The following MBD5 variants were observed in gnomAD, a reference collection of about 807,000 sequenced individuals.
The protein encoded by MBD5 is methyl-CpG binding domain protein 5, also known as methyl-CpG-binding domain protein 5.
Under a neutral mutation model 117.3 loss-of-function variants are expected in MBD5, and 13 were observed. The observed-to-expected ratio is 0.11, with a 90% CI of 0.07 to 0.18. The LOEUF is 0.18. Among genes scored for constraint, MBD5 ranks in the 10% least tolerant of loss-of-function variants. The pLI is 1.00. For synonymous variants in MBD5, 727 were observed against 766.4 expected (o/e 0.95, Z 0.85); for missense variants, 1,879 against 2,093.8 (o/e 0.90, Z 2.00).
intron 1 of MBD5, among the ~76,000 whole-genome samples, chr2:148,176,450 G>T (rs1698391544): frequency 6.6e-6 from 1 of 151,086 alleles, no homozygotes; most frequent in Admixed American, 6.6e-5. Flanking sequence ...TGTTGCCCAG[G>T]CTAGATTGCA....
chr2:148,200,566 G>A (rs994380247), intron 2 of MBD5, among the ~76,000 whole-genome samples: 4 of 151,956 alleles, frequency 2.6e-5, no homozygotes, highest in Admixed American at 6.6e-5. Context: ...GGTGGCGGGC[G>A]CCTGTGGTCC....
At chr2:148,035,072 A>G (rs943149859) in intron 1 of MBD5, among the ~76,000 whole-genome samples, 1 of 152,148 alleles carries the variant, frequency 6.6e-6, no homozygotes. Context: ...ATGATAGAGT[A>G]TGAAGTCCTA....
chr2:148,091,303 A>G (rs1695933866), intron 1 of MBD5, among the ~76,000 whole-genome samples: 1 of 152,130 alleles, frequency 6.6e-6, no homozygotes, highest in Non-Finnish European at 1.5e-5. Context: ...ACTAGAAAAA[A>G]CAATCCTCAA....
chr2:148,188,234 A>G (rs559681389), intron 2 of MBD5, among the ~76,000 whole-genome samples: 6 of 152,204 alleles, frequency 3.9e-5, no homozygotes, highest in Non-Finnish European at 8.8e-5. Flanking sequence ...CATTTCAGAT[A>G]TTGTGTCTTA....
chr2:148,361,710 C>T (rs1703538632), intron 4 of MBD5, among the ~76,000 whole-genome samples: 1 of 152,178 alleles, frequency 6.6e-6, no homozygotes, highest in Admixed American at 6.5e-5. Flanking sequence ...ATAAGAGCAT[C>T]AAAATGGTGG....
Position 148,277,598 on chromosome 2 carries a change from A to G in MBD5, c.-680+44203A>G, listed in dbSNP as rs1419298691. On this transcript the variant is annotated intron_variant, in intron 3 of 13. Transcript: ENST00000642680. ...GTTTTTTATCTCTACTTTACCTATA[A>G]TTACTCAAGCAATGTAGTTTTTTGT... Among the ~76,000 whole-genome samples, 3 of 152,178 alleles carry G rather than the reference A, an allele frequency of 2.0e-5. No homozygotes were observed. The East Asian group carries it at 5.8e-4, about 29-fold the overall frequency.
chr2:148,477,002 T>G (rs534703025), intron 8 of MBD5, among the ~76,000 whole-genome samples: 1 of 142,512 alleles, frequency 7.0e-6, no homozygotes, highest in African/African-American at 3.0e-5. Flanking sequence ...CAAAGAGGAA[T>G]TTTTTAAAAA....
rs114007165 is a variant in MBD5 at position 148,047,155 on chromosome 2, C to T, written c.-925+25471C>T. ...GTCACTTCTTATCAAATCATCCTGG[C>T]CATCCTCAATTTTCCCCTTCTTAGT... On this transcript the variant is annotated intron_variant, in intron 1 of 13. Coordinates refer to ENST00000642680, the MANE Select transcript of MBD5 (RefSeq NM_001378120.1). Among the ~76,000 whole-genome samples the T allele has an allele frequency of 5.1e-3, 782 of 152,280 alleles. 6 individuals carry two copies. The highest frequency in any genetic ancestry group is 0.018 in the African/African-American group (753 of 41,544).
intron 1 of MBD5, chr2:148,044,519 G>A (rs933723918): frequency 2.6e-5 from 4 of 152,102 alleles, no homozygotes; most frequent in East Asian, 1.9e-4. Flanking sequence ...TGGGAGTCAC[G>A]GGAGACCAGG....
chr2:148,207,673 G>C (rs954969078), intron 2 of MBD5, among the ~76,000 whole-genome samples: 1 of 139,414 alleles, frequency 7.2e-6, no homozygotes, highest in Non-Finnish European at 1.6e-5. Flanking sequence ...AGCCAGCTGA[G>C]AGAGATACTA....
chr2:148,208,656 T>C (rs1024190574), intron 2 of MBD5, among the ~76,000 whole-genome samples: 9 of 9,856 alleles, frequency 9.1e-4, no homozygotes, highest in Non-Finnish European at 6.1e-3. Context: ...TTATCTGTTC[T>C]TTTTTTTTTT....
At chr2:148,368,947 A>G (rs960176526) in intron 4 of MBD5, among the ~76,000 whole-genome samples, 4 of 152,158 alleles carry the variant, frequency 2.6e-5, no homozygotes, top group Non-Finnish European at 5.9e-5. Context: ...AAACCAATGG[A>G]TATCACATTA....
intron 2 of MBD5, among the ~76,000 whole-genome samples, chr2:148,198,172 C>A (rs1235051073): frequency 6.6e-6 from 1 of 152,082 alleles, no homozygotes; most frequent in Non-Finnish European, 1.5e-5. Flanking sequence ...ACATTTTCCT[C>A]TTTTTTTCAC....
intron 4 of MBD5, among the ~76,000 whole-genome samples, chr2:148,408,495 A>G (rs1380405686): frequency 6.6e-6 from 1 of 152,204 alleles, no homozygotes; most frequent in Non-Finnish European, 1.5e-5. Flanking sequence ...GTCATCAAAT[A>G]AAAATCTTGG....
intron 1 of MBD5, among the ~76,000 whole-genome samples, chr2:148,042,582 T>C (rs968288233): frequency 6.6e-6 from 1 of 152,082 alleles, no homozygotes; most frequent in East Asian, 1.9e-4. Context: ...AGCTTTATAA[T>C]TCCTCTATAA....
chr2:148,332,475 TC>T (rs1237573079), intron 3 of MBD5, among the ~76,000 whole-genome samples: 1 of 152,170 alleles, frequency 6.6e-6, no homozygotes, highest in Non-Finnish European at 1.5e-5. Context: ...GAGTTGGATC[TC>T]CCAGTTTTCA....
At chr2:148,250,703 G>C (rs1227079267) in intron 3 of MBD5, among the ~76,000 whole-genome samples, 1 of 152,134 alleles carries the variant, frequency 6.6e-6, no homozygotes, top group East Asian at 1.9e-4. Context: ...ATTATACTAT[G>C]GTGGTGCATT....
intron 4 of MBD5, among the ~76,000 whole-genome samples, chr2:148,414,900 T>G (rs1002512683): frequency 4.6e-5 from 7 of 152,206 alleles, no homozygotes; most frequent in African/African-American, 1.2e-4. Context: ...CTTCTGGGTC[T>G]TGATGCTTTA....
intron 4 of MBD5, among the ~76,000 whole-genome samples, chr2:148,345,331 G>A (rs1400784545): frequency 7.3e-6 from 1 of 137,700 alleles, no homozygotes; most frequent in African/African-American, 3.1e-5. Flanking sequence ...ATATATATAT[G>A]TATATACACA....
Sources: gnomAD v4.1 joint callset for allele counts (sites outside exome capture counted in the v4.1 genomes callset) on GRCh38, gnomAD v4.1.1 for gene constraint, MANE v1.5 for transcripts, NCBI Gene and HGNC (gene_info 2026-07-23, HGNC 2026-07-21) for gene names.